SBNO2: variants seen among roughly 807,000 people sequenced by gnomAD.
SBNO2 encodes strawberry notch homolog 2, also known as protein strawberry notch homolog 2.
SBNO2 carries 89 observed loss-of-function variants against 146.3 expected under a neutral mutation model. The observed-to-expected ratio is 0.61, with a 90% confidence interval of 0.51 to 0.73. SBNO2 has a LOEUF of 0.73. Among genes scored for constraint, SBNO2 ranks in the 30% least tolerant of loss-of-function variants. The probability of loss-of-function intolerance (pLI) is 0.00; values close to 1 mark genes in which losing one functional copy is unlikely to be tolerated. For missense variants in SBNO2, 2,092 were observed against 2,003.7 expected, an observed-to-expected ratio of 1.04 and a Z score of -0.84; for synonymous variants, 1,147 against 892.6, an observed-to-expected ratio of 1.29 and a Z score of -5.08.
intron 4 of SBNO2, among the ~76,000 whole-genome samples, chr19:1,129,862 C>T (rs978276915): frequency 7.2e-5 from 11 of 152,278 alleles, no homozygotes; most frequent in African/African-American, 2.4e-4. Context: ...CGGAGCTCAG[C>T]GTGGACAGAG....
intron 4 of SBNO2, among the ~76,000 whole-genome samples, chr19:1,132,653 C>T (rs999334857): frequency 6.6e-6 from 1 of 152,216 alleles, no homozygotes; most frequent in African/African-American, 2.4e-5. Context: ...CACCTCAGGC[C>T]CTGCTGCGCC....
chr19:1,123,073 TAA>T (rs749064276), intron 7 of SBNO2, 28 bp from the exon 8 acceptor site: 21 of 1,584,780 alleles, frequency 1.3e-5, no homozygotes, highest in Non-Finnish European at 1.8e-5. Context: ...GAGGGCAAGG[TAA>T]AGGGTATGGC....
Position 1,157,989 on chromosome 19 carries a change from G to A in SBNO2, c.-126-3587C>T, listed in dbSNP as rs574842324. ...CTCTCCTGAGTCCGGATAACTGTCC[G>A]CCTCCCAGCTCTCTCCTGAGTCTGG... On this transcript the variant is annotated intron_variant, in intron 1 of 31. Coordinates refer to ENST00000361757, the MANE Select transcript of SBNO2 (RefSeq NM_014963.3). This position sits in a 1 kb window ranked among gnomAD's most constrained non-coding sequence, Gnocchi z 6.8. 2.0e-5 allele frequency among the ~76,000 whole-genome samples: 3 copies of A among 149,272 alleles called. No homozygotes were observed. In the East Asian group the frequency reaches 5.9e-4, roughly 29 times the overall value.
At chr19:1,141,534 T>G (rs973599939) in intron 4 of SBNO2, among the ~76,000 whole-genome samples, 1 of 151,652 alleles carries the variant, frequency 6.6e-6, no homozygotes, top group African/African-American at 2.4e-5. Flanking sequence ...ATTTTTAATT[T>G]TGTATAGAGA....
intron 1 of SBNO2, among the ~76,000 whole-genome samples, chr19:1,155,822 T>C (rs2080285117): frequency 1.3e-5 from 2 of 152,154 alleles, no homozygotes; most frequent in Non-Finnish European, 2.9e-5. Flanking sequence ...CCACCAGTGC[T>C]AGGGGGTGGC....
chr19:1,157,834 C>G lies in SBNO2; in HGVS notation c.-126-3432G>C, dbSNP rs183453199. Among the ~76,000 whole-genome samples the G allele has an allele frequency of 2.7e-5, 4 of 145,934 alleles. No homozygotes were observed. The highest frequency in any genetic ancestry group is 2.7e-4 in the Admixed American group (4 of 14,656). ...GCTCTCTCCTGAGTCCGGGTAACTG[C>G]GTCCGCCTCCCAGCTCTCTCTCTTG... On this transcript the variant is annotated intron_variant, in intron 1 of 31. Coordinates refer to ENST00000361757, the MANE Select transcript of SBNO2 (RefSeq NM_014963.3). The surrounding 1 kb of genome is among the most constrained non-coding windows in gnomAD (Gnocchi z 6.8).
rs1296779263 is a variant in SBNO2 at position 1,109,614 on chromosome 19, G to A, written c.3124-16C>T. On this transcript the variant is annotated splice_polypyrimidine_tract_variant and intron_variant, in intron 27 of 31. Coordinates refer to ENST00000361757, the MANE Select transcript of SBNO2 (RefSeq NM_014963.3). The surrounding 1 kb of genome is among the most constrained non-coding windows in gnomAD (Gnocchi z 4.2). ...CCACGCTGATCTGCCACGGCACGGG[G>A]TGGGGGGGTGTGAGTGTGGTGGGGG... The A allele has an allele frequency of 6.4e-7, 1 of 1,563,310 alleles. No individual in the cohort carries two copies. Among genetic ancestry groups the A allele is most frequent in the Non-Finnish European group, 8.7e-7 (1 of 1,154,122 alleles).
intron 1 of SBNO2, among the ~76,000 whole-genome samples, chr19:1,166,617 G>GCACACA (rs71932539): frequency 5.6e-4 from 77 of 136,394 alleles, no homozygotes; most frequent in African/African-American, 1.9e-3. Context: ...AACTGCACGC[G>GCACACA]CACACACACA....
chr19:1,109,761 G>A lies in SBNO2; in HGVS notation c.3045C>T (p.Ile1015=), dbSNP rs769615540. 5 of 1,547,674 alleles carry A rather than the reference G, an allele frequency of 3.2e-6. No homozygotes were observed. The highest frequency in any genetic ancestry group is 1.4e-5 in the African/African-American group (1 of 73,196). The change falls in exon 27 of 32, where the codon ATC becomes ATT. Residue 1015 remains isoleucine (I), a synonymous_variant. Coordinates refer to ENST00000361757, the MANE Select transcript of SBNO2 (RefSeq NM_014963.3). The surrounding 1 kb of genome is among the most constrained non-coding windows in gnomAD (Gnocchi z 4.2). ...GCTGGCTCTCCTCGTAGATCTCCTC[G>A]ATACCGGGAGCAAGGTCTAGGGGGG... The part of the protein sequence containing the change: ...DMGILDLAPG[I]EEIYEESQQV...
intron 4 of SBNO2, among the ~76,000 whole-genome samples, chr19:1,135,383 T>C (rs1485513659): frequency 6.6e-6 from 1 of 152,164 alleles, no homozygotes; most frequent in African/African-American, 2.4e-5. Flanking sequence ...GTGGATTTTG[T>C]GGTATGTGAA....
chr19:1,115,227 C>G (rs1178909776), intron 17 of SBNO2: 2 of 151,200 alleles, frequency 1.3e-5, no homozygotes, highest in Admixed American at 1.3e-4. Context: ...CCCACTGCAC[C>G]TAGCCAATAT....
At chr19:1,164,695 AGAACAGGAGGAGGAGGAGGAG>A (rs2080390379) in intron 1 of SBNO2, among the ~76,000 whole-genome samples, 1 of 1,066 alleles carries the variant, frequency 9.4e-4, no homozygotes, top group African/African-American at 4.3e-3. Context: ...AGGAGGAGGA[AGAACAGGAGGAGGAGGAGGAG>A]GAACAGGAAG....
intron 15 of SBNO2, 47 bp from the exon 16 acceptor site, chr19:1,116,973 C>T (rs1467429844): frequency 6.7e-7 from 1 of 1,496,342 alleles, no homozygotes; most frequent in Non-Finnish European, 9.0e-7. Context: ...GCTGTGGGGC[C>T]TCTGTGGGGC....
intron 1 of SBNO2, among the ~76,000 whole-genome samples, chr19:1,164,002 G>C (rs1257271315): frequency 2.0e-5 from 3 of 152,222 alleles, no homozygotes; most frequent in Non-Finnish European, 4.4e-5. Flanking sequence ...TCGGAACCCA[G>C]CGCCCAGGAA....
At position 1,112,547 on chromosome 19, in the gene SBNO2, A is replaced by G; in HGVS notation, c.2380-10T>C. On this transcript the variant is annotated splice_polypyrimidine_tract_variant and intron_variant, in intron 20 of 31. Coordinates refer to ENST00000361757, the MANE Select transcript of SBNO2 (RefSeq NM_014963.3). The surrounding 1 kb of genome is among the most constrained non-coding windows in gnomAD (Gnocchi z 5.9). ...AGATGATGGCCACGAGCTAGGGGGA[A>G]AGAAGGGGCCGGGACACGGTTGGTG... 6.3e-7 allele frequency: 1 copy of G among 1,594,078 alleles called. No individual in the cohort carries two copies. Among genetic ancestry groups the G allele is most frequent in the Non-Finnish European group, 8.5e-7 (1 of 1,175,148 alleles).
intron 10 of SBNO2, 51 bp downstream of exon 10, chr19:1,122,417 G>A: frequency 6.5e-7 from 1 of 1,532,982 alleles, no homozygotes; most frequent in Non-Finnish European, 8.8e-7. Flanking sequence ...CCCCCACTTT[G>A]CAGGGCACGG....
chr19:1,134,834 T>A (rs1051637808), intron 4 of SBNO2, among the ~76,000 whole-genome samples: 6 of 151,754 alleles, frequency 4.0e-5, no homozygotes, highest in African/African-American at 1.5e-4. Flanking sequence ...GATCACGAGG[T>A]CAGGAGTTCA....
In SBNO2 at chr19:1,136,726, A is replaced by T. The variant is rs1453773738; in HGVS notation, c.280-8961T>A. Among the ~76,000 whole-genome samples the T allele has an allele frequency of 6.6e-6, 1 of 151,868 alleles. No homozygotes were observed. Among genetic ancestry groups the T allele is most frequent in the East Asian group, 1.9e-4 (1 of 5,166 alleles). On this transcript the variant is annotated intron_variant, in intron 4 of 31. Coordinates refer to ENST00000361757, the MANE Select transcript of SBNO2 (RefSeq NM_014963.3). This position sits in a 1 kb window ranked among gnomAD's most constrained non-coding sequence, Gnocchi z 4.2. The stretch of plus-strand genomic sequence containing the variant: ...GGTGCCGGATGGGCCGAGGCATCTG[A>T]CCCCTGCTGAAACGCATCTGCAGAA...
rs371421677 is a variant in SBNO2, at chr19:1,108,866, G to A, written c.3529C>T (p.Arg1177Cys). ...LCGALLRVWG[R>C]IAAVMADVSS... ...ACGTCGGCCATGACGGCGGCGATGC[G>A]GCCCCACACGCGCAGCAGCGCGCCG... The change falls in exon 31 of 32, where the codon CGC (arginine) becomes TGC (cysteine). Residue 1177 changes from arginine (R) to cysteine (C), a missense_variant. Transcript: ENST00000361757. 1.5e-4 allele frequency: 245 copies of A among 1,594,298 alleles called. No homozygotes were observed. The highest frequency in any genetic ancestry group is 1.9e-4 in the Non-Finnish European group (218 of 1,176,788).
Sources: gnomAD v4.1 joint callset for allele counts (sites outside exome capture counted in the v4.1 genomes callset) on GRCh38, gnomAD v4.1.1 for gene constraint, Gnocchi (gnomAD v3.1) non-coding constraint, MANE v1.5 for transcripts, NCBI Gene and HGNC (gene_info 2026-07-23, HGNC 2026-07-21) for gene names.